Variants in EYS observed in about 807,000 individuals in gnomAD.
EYS encodes protein eyes shut homolog.
In EYS, 250 loss-of-function variants were observed where a neutral mutation model predicts 282.1. The observed-to-expected ratio is 0.89, with a 90% CI of 0.80 to 0.98. EYS has a LOEUF of 0.98. EYS is among the 50% of genes least tolerant of loss of function. EYS has a pLI of 0.00. For missense variants in EYS, 4,016 were observed against 3,709.0 expected (o/e 1.08, Z -2.15); for synonymous variants, 1,355 against 1,282.9 (o/e 1.06, Z -1.20).
At position 64,431,541 on chromosome 6, in the gene EYS, G is replaced by A. The variant is rs553328095; in HGVS notation, c.5927+4633C>T. On this transcript the variant is annotated intron_variant, in intron 28 of 42. Coordinates refer to ENST00000503581, the MANE Select transcript of EYS (RefSeq NM_001142800.2). Reference sequence around the variant, plus strand: ...AAACGAGCTGTAGAGCGGATCTGGAGAAGCCCAGACATTGAGAGTCTATTG... The same window carrying A: ...AAACGAGCTGTAGAGCGGATCTGGAAAAGCCCAGACATTGAGAGTCTATTG... 9.9e-5 allele frequency among the ~76,000 whole-genome samples: 15 copies of A among 152,278 alleles called. 1 individual carries two copies. In the South Asian group the frequency reaches 2.5e-3, roughly 25 times the overall value.
chr6:64,296,769 G>A (rs1478871420), intron 30 of EYS, among the ~76,000 whole-genome samples: 1 of 151,630 alleles, frequency 6.6e-6, no homozygotes, highest in Non-Finnish European at 1.5e-5. Context: ...ACCAAGCCAG[G>A]CTAACTTTTG....
chr6:64,984,557 C>A (rs1455604788), intron 14 of EYS, among the ~76,000 whole-genome samples: 1 of 151,298 alleles, frequency 6.6e-6, no homozygotes, highest in Admixed American at 6.6e-5. Flanking sequence ...GTTCAATGCT[C>A]TGTAATCAAT....
intron 18 of EYS, among the ~76,000 whole-genome samples, chr6:64,890,328 G>A (rs1251047251): frequency 1.3e-5 from 2 of 152,200 alleles, no homozygotes; most frequent in East Asian, 1.9e-4. Flanking sequence ...AGTACTTGAT[G>A]TCTGTAACCC....
chr6:64,813,441 T>C lies in EYS; in HGVS notation c.3380A>G (p.Asn1127Ser), dbSNP rs779510375. The C allele has an allele frequency of 1.3e-6, 2 of 1,550,490 alleles. No individual in the cohort carries two copies. The highest frequency in any genetic ancestry group is 1.7e-6 in the Non-Finnish European group (2 of 1,146,202). The change falls in exon 22 of 43, where the codon AAT becomes AGT. Residue 1127 changes from asparagine to serine, a missense_variant. By Grantham distance (46) the Asn-to-Ser change is conservative (BLOSUM62 1). Coordinates refer to ENST00000503581, the MANE Select transcript of EYS (RefSeq NM_001142800.2). ...SIDNCAEPELNSVICLNGGIC... is the reference protein window; with the variant it reads ...SIDNCAEPELSSVICLNGGIC... ...CCCTCCATTAAGACAGATGACTGAATTAAGTTCAGGCTCAGCACAATTATC... is the reference window on the plus strand; with the variant it reads ...CCCTCCATTAAGACAGATGACTGAACTAAGTTCAGGCTCAGCACAATTATC...
At chr6:64,369,809 T>C (rs1336997095) in intron 29 of EYS, among the ~76,000 whole-genome samples, 1 of 152,204 alleles carries the variant, frequency 6.6e-6, no homozygotes, top group East Asian at 1.9e-4. Context: ...TGGGATTGCA[T>C]TCTTGATTTG....
At chr6:65,155,965 A>C (rs72881736) in intron 12 of EYS, among the ~76,000 whole-genome samples, 34,896 of 151,276 alleles carry the variant, frequency 0.23, 4,189 homozygotes, top group Middle Eastern at 0.26. Flanking sequence ...GAAGAGTAAC[A>C]AGGAAGATCT....
In EYS at chr6:64,307,099, GA is replaced by G. The variant is rs2150376053; in HGVS notation, c.6079-18del. The G allele has an allele frequency of 2.6e-6, 3 of 1,146,652 alleles. No individual in the cohort carries two copies. The highest frequency in any genetic ancestry group is 1.3e-5 in the South Asian group (1 of 74,526). 71.0% of individuals were successfully genotyped at this position (1,146,652 alleles called of 1,614,324 possible). A position where few individuals can be genotyped will look rare whatever the true frequency, so the allele number is the denominator to read the frequency against. On this transcript the variant is annotated intron_variant, in intron 29 of 42. Coordinates refer to ENST00000503581, the MANE Select transcript of EYS (RefSeq NM_001142800.2). ...TACAGGCATCTGAGAGAGAGAGAGAGAGAGAGAAGTAGAGATAATTTAAATG... is the reference window on the plus strand; with the variant it reads ...TACAGGCATCTGAGAGAGAGAGAGAGGAGAGAAGTAGAGATAATTTAAATG...
At chr6:64,650,178 C>T (rs978908114) in intron 22 of EYS, among the ~76,000 whole-genome samples, 2 of 151,848 alleles carry the variant, frequency 1.3e-5, no homozygotes, top group African/African-American at 4.8e-5. Flanking sequence ...AGCAAAAACT[C>T]TGGTTTAATC....
chr6:64,572,270 G>T (rs546199890), intron 26 of EYS, among the ~76,000 whole-genome samples: 1 of 152,116 alleles, frequency 6.6e-6, no homozygotes, highest in Non-Finnish European at 1.5e-5. Flanking sequence ...TTGATGGAAC[G>T]TATCTCAAAA....
chr6:65,644,172 A>T (rs1767376519), intron 1 of EYS, among the ~76,000 whole-genome samples: 1 of 152,166 alleles, frequency 6.6e-6, no homozygotes, highest in Middle Eastern at 3.2e-3. Context: ...CAAAAACATG[A>T]TACAGGTTAT....
At chr6:65,050,909 T>C (rs1390049571) in intron 13 of EYS, among the ~76,000 whole-genome samples, 1 of 151,706 alleles carries the variant, frequency 6.6e-6, no homozygotes, top group African/African-American at 2.4e-5. Flanking sequence ...GCATTTTTAT[T>C]TTGCTGAGTT....
intron 21 of EYS, among the ~76,000 whole-genome samples, chr6:64,820,902 C>T (rs114010786): frequency 0.012 from 1,775 of 151,996 alleles, 36 homozygotes; most frequent in African/African-American, 0.04. Context: ...GTTTTACTGA[C>T]GAGGGAGAGA....
intron 31 of EYS, among the ~76,000 whole-genome samples, chr6:64,155,080 G>C (rs917781557): frequency 2.6e-5 from 4 of 152,152 alleles, no homozygotes; most frequent in South Asian, 4.1e-4. Context: ...TTGGGTAGTC[G>C]AGGAGAATGG....
intron 18 of EYS, among the ~76,000 whole-genome samples, chr6:64,900,910 T>A (rs1767632921): frequency 6.6e-6 from 1 of 152,064 alleles, no homozygotes; most frequent in Admixed American, 6.5e-5. Flanking sequence ...CAAAGGATTA[T>A]AAATCATTCT....
At chr6:65,456,399 G>A (rs1417135816) in intron 5 of EYS, among the ~76,000 whole-genome samples, 2 of 150,678 alleles carry the variant, frequency 1.3e-5, no homozygotes, top group East Asian at 2.0e-4. Flanking sequence ...GCAGTGAGTC[G>A]AGATCACACC....
At chr6:64,328,436 G>C (rs1163238957) in intron 29 of EYS, among the ~76,000 whole-genome samples, 3 of 152,188 alleles carry the variant, frequency 2.0e-5, no homozygotes, top group Non-Finnish European at 4.4e-5. Context: ...CTGGAGGGAA[G>C]AAGGCCACCA....
At chr6:65,158,978 G>GT (rs1377858505) in intron 12 of EYS, among the ~76,000 whole-genome samples, 5 of 150,826 alleles carry the variant, frequency 3.3e-5, no homozygotes, top group African/African-American at 7.3e-5. Flanking sequence ...CACTGAGAGG[G>GT]TTTTTTTAAA....
At chr6:64,371,191 T>A (rs772769199) in intron 29 of EYS, among the ~76,000 whole-genome samples, 1 of 152,126 alleles carries the variant, frequency 6.6e-6, no homozygotes, top group Non-Finnish European at 1.5e-5. Context: ...TTTGGCTATA[T>A]CCCAGAGATT....
intron 12 of EYS, among the ~76,000 whole-genome samples, chr6:65,291,441 A>G (rs1768521981): frequency 6.6e-6 from 1 of 151,532 alleles, no homozygotes; most frequent in Non-Finnish European, 1.5e-5. Flanking sequence ...AGTTAGGTAC[A>G]TGCAGTTACA....
Sources: allele counts gnomAD v4.1 joint callset (sites outside exome capture counted in the v4.1 genomes callset), GRCh38; gene constraint gnomAD v4.1.1; transcripts MANE v1.5; gene names NCBI Gene and HGNC (gene_info 2026-07-23, HGNC 2026-07-21).